Variants in CCT3 observed in about 807,000 individuals in gnomAD.
The protein encoded by CCT3 is chaperonin containing TCP1 subunit 3.
CCT3 carries 10 observed loss-of-function variants against 65.3 expected under a neutral mutation model. The observed-to-expected ratio is 0.15, with a 90% CI of 0.09 to 0.26. The LOEUF (loss-of-function observed/expected upper bound fraction) is 0.26. Ranked by LOEUF, CCT3 falls within the 10% of genes least tolerant of loss-of-function variation. CCT3 has a pLI of 1.00. For missense variants in CCT3, 626 were observed against 708.7 expected, an observed-to-expected ratio of 0.88 and a Z score of 1.33; for synonymous variants, 225 against 242.3, an observed-to-expected ratio of 0.93 and a Z score of 0.66.
At chr1:156,333,291 C>CA (rs35038881) in intron 5 of CCT3, 14,768 of 236,544 alleles carry the variant, frequency 0.062, 74 homozygotes, top group South Asian at 0.086. Context: ...GACTCTGTCT[C>CA]AAAAAAAAAA....
intron 10 of CCT3, among the ~76,000 whole-genome samples, chr1:156,316,603 A>G (rs1045280933): frequency 1.3e-5 from 2 of 152,244 alleles, no homozygotes; most frequent in Non-Finnish European, 2.9e-5. Flanking sequence ...GCGCATGCCA[A>G]TAGTTTCAGG....
At chr1:156,316,657 T>C (rs926601629) in intron 10 of CCT3, among the ~76,000 whole-genome samples, 3 of 152,062 alleles carry the variant, frequency 2.0e-5, no homozygotes, top group African/African-American at 7.2e-5. Flanking sequence ...AGCCCAGGAG[T>C]TTGAGACAGG....
At chr1:156,317,370 C>T (rs1333600830) in intron 9 of CCT3, 45 bp downstream of exon 9, 4 of 1,601,382 alleles carry the variant, frequency 2.5e-6, no homozygotes, top group Non-Finnish European at 3.4e-6. Flanking sequence ...ATCACCCACC[C>T]TCGTCTACCT....
chr1:156,315,300 C>T (rs1478165296), intron 10 of CCT3, among the ~76,000 whole-genome samples: 2 of 152,168 alleles, frequency 1.3e-5, no homozygotes, highest in African/African-American at 4.8e-5. Context: ...CCTCCGCCTC[C>T]TTGGTTCAAG....
chr1:156,326,518 C>T (rs1248556936), intron 5 of CCT3, among the ~76,000 whole-genome samples: 1 of 151,410 alleles, frequency 6.6e-6, no homozygotes, highest in East Asian at 2.0e-4. Flanking sequence ...GGCATGATGG[C>T]ACATGCCTGT....
intron 1 of CCT3, chr1:156,337,773 T>C (rs1359749368): frequency 1.5e-5 from 4 of 267,484 alleles, no homozygotes; most frequent in Non-Finnish European, 2.8e-5. Flanking sequence ...GGGCCAAGAA[T>C]ATAAAGCTAG....
chr1:156,321,388 C>CA (rs1266595724), intron 6 of CCT3, among the ~76,000 whole-genome samples: 1 of 152,132 alleles, frequency 6.6e-6, no homozygotes. Context: ...CATAACTAGC[C>CA]AACTTTAAGA....
intron 13 of CCT3, among the ~76,000 whole-genome samples, chr1:156,310,320 C>T (rs1664026503): frequency 6.6e-6 from 1 of 151,894 alleles, no homozygotes. Context: ...TAGTGAAACC[C>T]TATCTCTACT....
At chr1:156,335,137 T>C (rs558833687) in intron 2 of CCT3, 236 of 525,370 alleles carry the variant, frequency 4.5e-4, no homozygotes, top group Non-Finnish European at 7.2e-4. Flanking sequence ...TCCCAAAGTG[T>C]TGGGATTAGA....
In CCT3 at chr1:156,312,032, C is replaced by T. The variant is rs1664104636; in HGVS notation, c.1155+9G>A. 2.5e-6 allele frequency: 4 copies of T among 1,604,928 alleles called. No homozygotes were observed. Among genetic ancestry groups the T allele is most frequent in the Non-Finnish European group, 3.4e-6 (4 of 1,176,256 alleles). On this transcript the variant is annotated intron_variant, in intron 11 of 13. Coordinates refer to ENST00000295688, the MANE Select transcript of CCT3 (RefSeq NM_005998.5). ...ACTTCATCTGGTCATACATCCAAGG[C>T]TGACTCACCGAGAGAATCTCTTTGC... is the stretch of plus-strand genomic sequence containing the variant.
rs1234747411 is a variant in CCT3 at position 156,309,167 on chromosome 1, G to C, written c.*32C>G. On this transcript the variant is annotated 3_prime_UTR_variant, in exon 14 of 14. Transcript: ENST00000295688. ...CTCAGGAAAAGGGGAGACTCTGCTG[G>C]TTCTGTGCATTGAAGTAGCCTTGCC... 5 of 1,383,906 alleles carry C rather than the reference G, an allele frequency of 3.6e-6. No individual in the cohort carries two copies. The Admixed American group carries it at 6.7e-5, about 19-fold the overall frequency. 85.7% of individuals were successfully genotyped at this position (1,383,906 alleles called of 1,614,324 possible). A position where few individuals can be genotyped will look rare whatever the true frequency, so the allele number is the denominator to read the frequency against.
intron 10 of CCT3, among the ~76,000 whole-genome samples, chr1:156,316,741 G>A (rs929477571): frequency 6.6e-6 from 1 of 152,212 alleles, no homozygotes; most frequent in African/African-American, 2.4e-5. Context: ...CAGAAGTAGT[G>A]AATGCAATCT....
intron 6 of CCT3, among the ~76,000 whole-genome samples, chr1:156,324,651 C>T (rs938894322): frequency 1.5e-4 from 23 of 151,560 alleles, no homozygotes; most frequent in Non-Finnish European, 2.9e-5. Flanking sequence ...TTTTTTGAGA[C>T]GGAGTCTTGC....
At chr1:156,336,044 TTA>T (rs1665333606) in intron 1 of CCT3, 156 bp from the exon 2 acceptor site, 1 of 531,232 alleles carries the variant, frequency 1.9e-6, no homozygotes, top group African/African-American at 1.9e-5. Flanking sequence ...GTGCAGTTTA[TTA>T]TATGTCAACC....
chr1:156,319,269 C>T (rs1664446898), intron 7 of CCT3, among the ~76,000 whole-genome samples: 1 of 145,968 alleles, frequency 6.9e-6, no homozygotes, highest in Non-Finnish European at 1.5e-5. Flanking sequence ...CCCGCCACCA[C>T]ACCCGGCTAA....
At chr1:156,321,363 T>A (rs912540599) in intron 6 of CCT3, among the ~76,000 whole-genome samples, 3 of 152,244 alleles carry the variant, frequency 2.0e-5, no homozygotes, top group African/African-American at 4.8e-5. Context: ...CATTTTTTTT[T>A]ATGAAACTTT....
intron 5 of CCT3, among the ~76,000 whole-genome samples, chr1:156,327,064 A>C (rs1000574926): frequency 6.6e-6 from 1 of 152,194 alleles, no homozygotes; most frequent in Non-Finnish European, 1.5e-5. Context: ...TAAACAAATA[A>C]AATTTGTCTT....
chr1:156,334,796 ATATT>A, intron 3 of CCT3, 21 bp from the exon 4 acceptor site: 2 of 1,614,014 alleles, frequency 1.2e-6, no homozygotes, highest in Middle Eastern at 1.6e-4. Context: ...AGCAAAAGTT[ATATT>A]TAAAGTGTCC....
At chr1:156,314,351 G>A (rs941615010) in intron 10 of CCT3, among the ~76,000 whole-genome samples, 9 of 152,142 alleles carry the variant, frequency 5.9e-5, no homozygotes, top group African/African-American at 2.2e-4. Flanking sequence ...GCATAGCGGT[G>A]GTGAAGGGTT....
Sources: gnomAD v4.1 joint callset for allele counts (sites outside exome capture counted in the v4.1 genomes callset) on GRCh38, gnomAD v4.1.1 for gene constraint, MANE v1.5 for transcripts, NCBI Gene and HGNC (gene_info 2026-07-23, HGNC 2026-07-21) for gene names.